The following ARFGEF2 variants were observed in gnomAD, a reference collection of about 807,000 sequenced individuals.
ARFGEF2 encodes brefeldin A-inhibited guanine nucleotide-exchange protein 2.
A neutral mutation model predicts 219.9 loss-of-function variants in ARFGEF2; 74 were observed. That is an observed-to-expected ratio of 0.34 (90% confidence interval 0.28 to 0.41). The LOEUF is 0.41. ARFGEF2 is among the 10% of genes least tolerant of loss of function. ARFGEF2 has a pLI of 1.00. For synonymous variants in ARFGEF2, 733 were observed against 799.2 expected, an observed-to-expected ratio of 0.92 and a Z score of 1.40; for missense variants, 1,743 against 2,218.3, an observed-to-expected ratio of 0.79 and a Z score of 4.30.
At chr20:49,013,451 T>C in intron 28 of ARFGEF2, 113 bp from the exon 29 acceptor site, 2 of 1,353,132 alleles carry the variant, frequency 1.5e-6, no homozygotes, top group Non-Finnish European at 1.1e-6. Context: ...CCTTGCTGAA[T>C]GGAGATTTTT....
At chr20:48,997,805 A>G (rs1255837961) in intron 23 of ARFGEF2, among the ~76,000 whole-genome samples, 13 of 152,182 alleles carry the variant, frequency 8.5e-5, no homozygotes. Context: ...TCTGGCTTTT[A>G]TGCCCAGTAC....
chr20:48,997,448 T>C (rs2091398994), intron 23 of ARFGEF2, among the ~76,000 whole-genome samples: 1 of 152,134 alleles, frequency 6.6e-6, no homozygotes, highest in Admixed American at 6.5e-5. Context: ...AATTTTTGTA[T>C]TTTTAGTAGA....
At chr20:48,975,163 T>C (rs1483056549) in intron 13 of ARFGEF2, among the ~76,000 whole-genome samples, 1 of 152,134 alleles carries the variant, frequency 6.6e-6, no homozygotes, top group African/African-American at 2.4e-5. Context: ...CATTTTCCTA[T>C]GTACGTAAGT....
In ARFGEF2 at chr20:49,028,676, A is replaced by T. The variant is rs766504265; in HGVS notation, c.5063+8A>T. The T allele has an allele frequency of 5.6e-6, 9 of 1,613,548 alleles. No individual in the cohort carries two copies. The highest frequency in any genetic ancestry group is 7.6e-6 in the Non-Finnish European group (9 of 1,179,634). On this transcript the variant is annotated splice_region_variant and intron_variant, in intron 37 of 38. Coordinates refer to ENST00000371917, the MANE Select transcript of ARFGEF2 (RefSeq NM_006420.3). ...ACAGCAGAGACTTTTAACGTAAGAA[A>T]ATTAGTTTCTGATTAGATTTCTATC...
At chr20:48,945,602 G>A (rs1240777499) in intron 3 of ARFGEF2, among the ~76,000 whole-genome samples, 1 of 152,100 alleles carries the variant, frequency 6.6e-6, no homozygotes, top group African/African-American at 2.4e-5. Flanking sequence ...AGTGGCTCAC[G>A]CCTGTAATCC....
chr20:48,972,914 C>G (rs992544564), intron 11 of ARFGEF2, among the ~76,000 whole-genome samples: 1 of 152,108 alleles, frequency 6.6e-6, no homozygotes, highest in Non-Finnish European at 1.5e-5. Context: ...AAAATTGAGG[C>G]TTGGATGGGT....
intron 14 of ARFGEF2, among the ~76,000 whole-genome samples, chr20:48,978,055 G>T (rs150250597): frequency 6.3e-4 from 96 of 152,248 alleles, no homozygotes; most frequent in African/African-American, 2.1e-3. Context: ...CCTTGCCCAC[G>T]CCTAGTTCCT....
intron 14 of ARFGEF2, among the ~76,000 whole-genome samples, chr20:48,979,654 C>G (rs930962037): frequency 2.0e-5 from 3 of 152,090 alleles, no homozygotes; most frequent in African/African-American, 7.2e-5. Flanking sequence ...AATTTCAGAG[C>G]CTGTTATTGG....
At chr20:48,993,190 T>C (rs1233893932) in intron 21 of ARFGEF2, among the ~76,000 whole-genome samples, 1 of 152,226 alleles carries the variant, frequency 6.6e-6, no homozygotes, top group Non-Finnish European at 1.5e-5. Context: ...GTATTATCAA[T>C]ATGAGGTTCC....
chr20:48,952,600 A>G, intron 4 of ARFGEF2, 105 bp from the exon 5 acceptor site: 2 of 1,143,002 alleles, frequency 1.7e-6, no homozygotes, highest in East Asian at 2.4e-5. Flanking sequence ...AAAAAAGCAC[A>G]CAGAAAAGAA....
In ARFGEF2 at chr20:49,030,603, A is replaced by G. The variant is rs2091628569; in HGVS notation, c.5064-1446A>G. On this transcript the variant is annotated intron_variant, in intron 37 of 38. Coordinates refer to ENST00000371917, the MANE Select transcript of ARFGEF2 (RefSeq NM_006420.3). ...TACCTTACAATGAGAATAACAAGTC[A>G]TAAAGTGAAAAAAGAATTAATTAAT... Among the ~76,000 whole-genome samples the G allele has an allele frequency of 3.9e-5, 6 of 152,190 alleles. No individual in the cohort carries two copies. In the South Asian group the frequency reaches 1.0e-3, roughly 26 times the overall value.
At chr20:48,927,549 G>A (rs1385963959) in intron 1 of ARFGEF2, among the ~76,000 whole-genome samples, 6 of 152,112 alleles carry the variant, frequency 3.9e-5, no homozygotes, top group South Asian at 2.1e-4. Context: ...TTAGCTGGGC[G>A]TGGTGGCGCA....
intron 31 of ARFGEF2, 21 bp from the exon 32 acceptor site, chr20:49,017,228 A>C: frequency 6.2e-7 from 1 of 1,613,124 alleles, no homozygotes; most frequent in Non-Finnish European, 8.5e-7. Context: ...GTTTAATGAT[A>C]GATACTGCTT....
intron 1 of ARFGEF2, among the ~76,000 whole-genome samples, chr20:48,939,913 C>G (rs6066923): frequency 6.6e-6 from 1 of 152,164 alleles, no homozygotes; most frequent in Non-Finnish European, 1.5e-5. Context: ...TACTGGCTCT[C>G]TAGAGATTGT....
rs2091514194 is a variant in ARFGEF2, at chr20:49,013,688, G to C, written c.4043G>C (p.Arg1348Pro). The change falls in exon 29 of 39, where the codon CGA (arginine) becomes CCA (proline). Residue 1348 changes from arginine (R) to proline (P), a missense_variant. By Grantham distance (103) the Arg-to-Pro change is moderately radical. Around this residue, in one of 5 missense-constraint regions of ARFGEF2, gnomAD observed 578 missense variants for 664.0 expected, o/e 0.87. Transcript: ENST00000371917. ...ATTAATAGATGCAAGTTAGATGTAC[G>C]AACAAGGTAACCATGTTCCCGTGCG... ...CIINRCKLDV[R>P]TRGLTVMFEI... 1.9e-6 allele frequency: 3 copies of C among 1,614,062 alleles called. No homozygotes were observed. The highest frequency in any genetic ancestry group is 2.5e-6 in the Non-Finnish European group (3 of 1,180,028).
intron 25 of ARFGEF2, among the ~76,000 whole-genome samples, chr20:49,001,892 CAT>C (rs761549635): frequency 1.2e-4 from 18 of 152,270 alleles, no homozygotes; most frequent in African/African-American, 3.4e-4. Context: ...AGCAAGGAAT[CAT>C]AAAGATTTAA....
At chr20:48,926,197 A>T (rs1311767922) in intron 1 of ARFGEF2, among the ~76,000 whole-genome samples, 1 of 152,184 alleles carries the variant, frequency 6.6e-6, no homozygotes, top group Non-Finnish European at 1.5e-5. Flanking sequence ...TTGCTTCTCC[A>T]TATGAAAGTT....
At chr20:49,028,793 T>C in intron 37 of ARFGEF2, 125 bp downstream of exon 37, 1 of 1,050,568 alleles carries the variant, frequency 9.5e-7, no homozygotes, top group Non-Finnish European at 1.4e-6. Context: ...TTTTTTTCTT[T>C]CTATTTGGTG....
intron 26 of ARFGEF2, among the ~76,000 whole-genome samples, chr20:49,006,029 C>G (rs2091457431): frequency 6.6e-6 from 1 of 152,018 alleles, no homozygotes; most frequent in Non-Finnish European, 1.5e-5. Flanking sequence ...GGCGCGGTGG[C>G]TCATGCCTGT....
Sources: allele counts gnomAD v4.1 joint callset (sites outside exome capture counted in the v4.1 genomes callset), GRCh38; gene constraint gnomAD v4.1.1; regional missense constraint gnomAD v4.1.1; transcripts MANE v1.5; gene names NCBI Gene and HGNC (gene_info 2026-07-23, HGNC 2026-07-21).